AIFM1: variants seen among roughly 807,000 people sequenced by gnomAD.
AIFM1 encodes the protein apoptosis inducing factor mitochondria associated 1.
Under a neutral mutation model 51.7 loss-of-function variants are expected in AIFM1, and 3 were observed. That is an observed-to-expected ratio of 0.06 (90% CI 0.03 to 0.15). The LOEUF is 0.15. Ranked by LOEUF, AIFM1 falls within the 10% of genes least tolerant of loss-of-function variation. The pLI is 1.00. For synonymous variants in AIFM1, 178 were observed against 179.4 expected, an observed-to-expected ratio of 0.99 and a Z score of 0.06; for missense variants, 330 against 476.8, an observed-to-expected ratio of 0.69 and a Z score of 2.87.
chrX:130,141,079 G>A (rs1267317728), intron 6 of AIFM1, among the ~76,000 whole-genome samples: 1 of 112,311 alleles, frequency 8.9e-6, no homozygotes, highest in African/African-American at 3.2e-5. Flanking sequence ...TCATGCCACT[G>A]CACTCCAGCC....
intron 2 of AIFM1, chrX:130,155,357 C>A (rs1179735733): frequency 8.7e-7 from 1 of 1,145,477 alleles, no homozygotes; most frequent in South Asian, 1.8e-5. Context: ...AAGAAACATT[C>A]AATACAAAGG....
intron 1 of AIFM1, 55 bp from the exon 2 acceptor site, chrX:130,156,658 A>G: frequency 2.6e-6 from 3 of 1,134,790 alleles, no homozygotes; most frequent in Non-Finnish European, 3.6e-6. Flanking sequence ...TAGTTAATAC[A>G]TATTTATGAT....
At chrX:130,153,271 T>A (rs2031053664) in intron 2 of AIFM1, among the ~76,000 whole-genome samples, 1 of 98,002 alleles carries the variant, frequency 1.0e-5, no homozygotes, top group Non-Finnish European at 2.0e-5. Context: ...GAAAATGGCA[T>A]GAACCCGGGA....
Position 130,165,835 on chromosome X carries a change from G to A in AIFM1, c.-179C>T. The A allele has an allele frequency of 2.0e-6, 1 of 497,304 alleles. No individual in the cohort carries two copies. Among genetic ancestry groups the A allele is most frequent in the South Asian group, 2.7e-5 (1 of 37,205 alleles). The allele number at this position is 497,304 out of a possible 1,213,427, so 41.0% of individuals were successfully genotyped here. ...AAGCCGGCCTGCTAGAGCCGGGGAA[G>A]GGGAACGGCGACCGGAGGCCTACTG... On this transcript the variant is annotated 5_prime_UTR_variant, in exon 1 of 16. Coordinates refer to ENST00000287295, the MANE Select transcript of AIFM1 (RefSeq NM_004208.4).
chrX:130,141,162 CAAACAA>C (rs1198963180), intron 6 of AIFM1, among the ~76,000 whole-genome samples: 1 of 111,863 alleles, frequency 8.9e-6, no homozygotes, highest in East Asian at 2.8e-4. Flanking sequence ...ACAACAAAAA[CAAACAA>C]AAACAAAAAC....
At chrX:130,152,790 A>G (rs1569421648) in intron 2 of AIFM1, among the ~76,000 whole-genome samples, 1 of 112,015 alleles carries the variant, frequency 8.9e-6, no homozygotes, top group Non-Finnish European at 1.9e-5. Context: ...GAGCAGCAGA[A>G]GCACTGTTGA....
At chrX:130,159,538 T>C (rs1196981526) in intron 1 of AIFM1, among the ~76,000 whole-genome samples, 1 of 111,922 alleles carries the variant, frequency 8.9e-6, no homozygotes, top group Non-Finnish European at 1.9e-5. Context: ...AAGTTCCATG[T>C]GATTTAGTTC....
chrX:130,129,687 C>T lies in AIFM1; in HGVS notation c.1771-59G>A, dbSNP rs781769757. The T allele has an allele frequency of 3.8e-6, 4 of 1,061,255 alleles. No homozygotes were observed. In the East Asian group the frequency reaches 1.2e-4, roughly 32 times the overall value. The allele number at this position is 1,061,255 out of a possible 1,213,427, so 87.5% of individuals were successfully genotyped here. Reference sequence around the variant, plus strand: ...TTACTCCATTGCGTTCAGGCCATGCCCACACAATGGGGCTACCTGGGGCAG... The same window carrying T: ...TTACTCCATTGCGTTCAGGCCATGCTCACACAATGGGGCTACCTGGGGCAG... On this transcript the variant is annotated intron_variant, in intron 15 of 15. Transcript: ENST00000287295.
At chrX:130,134,417 C>T (rs1200522581) in intron 12 of AIFM1, among the ~76,000 whole-genome samples, 1 of 110,803 alleles carries the variant, frequency 9.0e-6, no homozygotes, top group African/African-American at 3.3e-5. Flanking sequence ...GACTGCCTCT[C>T]ACCTAGAAAT....
At chrX:130,161,322 C>T (rs2031340918) in intron 1 of AIFM1, among the ~76,000 whole-genome samples, 1 of 109,428 alleles carries the variant, frequency 9.1e-6, no homozygotes, top group African/African-American at 3.3e-5. Context: ...ACCAGCCTGG[C>T]CAATACAGTG....
At chrX:130,156,093 A>C (rs1204291489) in intron 2 of AIFM1, among the ~76,000 whole-genome samples, 1 of 112,046 alleles carries the variant, frequency 8.9e-6, no homozygotes, top group African/African-American at 3.2e-5. Context: ...AAATAGGTCA[A>C]AATCAAATAT....
In AIFM1 at chrX:130,136,035, GCA is replaced by G. The variant is rs2124651682; in HGVS notation, c.1305+8_1305+9del. 1 of 1,211,513 alleles carries G rather than the reference GCA, an allele frequency of 8.3e-7. No individual in the cohort carries two copies. Among genetic ancestry groups the G allele is most frequent in the Non-Finnish European group, 1.1e-6 (1 of 895,298 alleles). On this transcript the variant is annotated splice_region_variant and intron_variant, in intron 12 of 15. Transcript: ENST00000287295. ...ATGAATTATGCCTGGTCATGCTGTAGCACACTTACCACCCAGATGTTAGAGCG... is the reference window on the plus strand; with the variant it reads ...ATGAATTATGCCTGGTCATGCTGTAGCACTTACCACCCAGATGTTAGAGCG...
At chrX:130,132,086 G>T (rs1317204543) in intron 13 of AIFM1, among the ~76,000 whole-genome samples, 1 of 111,281 alleles carries the variant, frequency 9.0e-6, no homozygotes, top group African/African-American at 3.3e-5. Context: ...TGGCCAGGCT[G>T]GTCTTGAACT....
intron 2 of AIFM1, among the ~76,000 whole-genome samples, chrX:130,153,957 C>G (rs2031083150): frequency 8.9e-6 from 1 of 112,319 alleles, no homozygotes; most frequent in Admixed American, 9.4e-5. Context: ...CTCATCAAAT[C>G]TGAACACTGA....
At position 130,161,128 on chromosome X, in the gene AIFM1, T is replaced by A. The variant is rs775908690; in HGVS notation, c.106+4423A>T. Among the ~76,000 whole-genome samples the A allele has an allele frequency of 2.3e-3, 252 of 111,192 alleles. 1 individual carries two copies. Among genetic ancestry groups the A allele is most frequent in the Non-Finnish European group, 3.7e-3 (196 of 53,030 alleles). ...GTTTTCCAAAAACACAACTTCACAA[T>A]TGAGGCACCCAGGGATCCTAAATGG... is the stretch of plus-strand genomic sequence containing the variant. On this transcript the variant is annotated intron_variant, in intron 1 of 15. Transcript: ENST00000287295.
At chrX:130,141,893 G>T (rs922940137) in intron 6 of AIFM1, among the ~76,000 whole-genome samples, 2 of 111,751 alleles carry the variant, frequency 1.8e-5, no homozygotes, top group African/African-American at 3.3e-5. Flanking sequence ...CTGTTTATTT[G>T]ACTAGCTGCT....
chrX:130,162,255 T>C (rs906955924), intron 1 of AIFM1, among the ~76,000 whole-genome samples: 1 of 112,004 alleles, frequency 8.9e-6, no homozygotes, highest in African/African-American at 3.2e-5. Flanking sequence ...AGACTCCAGA[T>C]TGCTCAGTTT....
Position 130,145,391 on chromosome X carries a change from A to G in AIFM1, c.696+88T>C, listed in dbSNP as rs2030715624. 4 of 703,584 alleles carry G rather than the reference A, an allele frequency of 5.7e-6. No homozygotes were observed. The South Asian group carries it at 8.6e-5, about 15-fold the overall frequency. 58.0% of individuals were successfully genotyped at this position (703,584 alleles called of 1,213,427 possible). On this transcript the variant is annotated intron_variant, in intron 6 of 15. Transcript: ENST00000287295. The stretch of plus-strand genomic sequence containing the variant: ...TTGATGAACTACAATGGCAGGACAG[A>G]CATAAATGGTAATGGAAACACACAT...
rs771289388 is a variant in AIFM1 at position 130,149,586 on chromosome X, G to C, written c.250-18C>G. The C allele has an allele frequency of 1.8e-6, 2 of 1,109,937 alleles. No homozygotes were observed. The highest frequency in any genetic ancestry group is 6.0e-5 in the East Asian group (2 of 33,512). The allele number at this position is 1,109,937 out of a possible 1,213,427, so 91.5% of individuals were successfully genotyped here. A position where few individuals can be genotyped will look rare whatever the true frequency, so the allele number is the denominator to read the frequency against. On this transcript the variant is annotated intron_variant, in intron 2 of 15. Transcript: ENST00000287295. Reference sequence around the variant, plus strand: ...TTGTAGGCCTGCGGATCCAAACATGGAGAAAGTTTATTTCACCATACAGCT... The same window carrying C: ...TTGTAGGCCTGCGGATCCAAACATGCAGAAAGTTTATTTCACCATACAGCT...
Sources: allele counts gnomAD v4.1 joint callset (sites outside exome capture counted in the v4.1 genomes callset), GRCh38; gene constraint gnomAD v4.1.1; transcripts MANE v1.5; gene names NCBI Gene and HGNC (gene_info 2026-07-23, HGNC 2026-07-21).